The following TMEM245 variants were observed in gnomAD, a reference collection of about 807,000 sequenced individuals.
TMEM245 encodes protein CG-2.
Under a neutral mutation model 101.2 loss-of-function variants are expected in TMEM245, and 69 were observed. The observed-to-expected ratio is 0.68, with a 90% CI of 0.56 to 0.83. TMEM245 has a LOEUF of 0.83. TMEM245 is among the 40% of genes least tolerant of loss of function. The probability of loss-of-function intolerance (pLI) is 0.00; values close to 1 mark genes in which losing one functional copy is unlikely to be tolerated. For missense variants in TMEM245, 1,075 were observed against 1,092.8 expected (o/e 0.98, Z 0.23); for synonymous variants, 537 against 449.8 (o/e 1.19, Z -2.45).
chr9:109,115,522 C>CT (rs752894720), intron 1 of TMEM245, among the ~76,000 whole-genome samples: 3,331 of 67,186 alleles, frequency 0.05, 388 homozygotes, highest in African/African-American at 0.081. Flanking sequence ...TAACTGGAAT[C>CT]TTTTTTTTTT....
intron 4 of TMEM245, among the ~76,000 whole-genome samples, 157 bp downstream of exon 4, chr9:109,093,318 A>G (rs1163595444): frequency 2.0e-5 from 3 of 152,208 alleles, no homozygotes; most frequent in African/African-American, 7.2e-5. Flanking sequence ...GAGAACAAAG[A>G]TGAGAGGGAA....
Position 109,119,933 on chromosome 9 carries a change from C to G in TMEM245, c.-20G>C. ...GGCCATCGTTCCTCCGCCACAGCCG[C>G]CCCCGAGGGGCGGTAATGGGAGTCG... On this transcript the variant is annotated 5_prime_UTR_variant, in exon 1 of 18. Transcript: ENST00000374586. 7.7e-7 allele frequency: 1 copy of G among 1,291,262 alleles called. No homozygotes were observed. The highest frequency in any genetic ancestry group is 9.8e-7 in the Non-Finnish European group (1 of 1,023,540). 80.0% of individuals were successfully genotyped at this position (1,291,262 alleles called of 1,614,324 possible). A position where few individuals can be genotyped will look rare whatever the true frequency, so the allele number is the denominator to read the frequency against.
chr9:109,076,395 G>A (rs1399062648), intron 8 of TMEM245, among the ~76,000 whole-genome samples: 1 of 140,650 alleles, frequency 7.1e-6, no homozygotes, highest in African/African-American at 2.6e-5. Flanking sequence ...TGGGGGGGAG[G>A]GGGGAGGGAT....
chr9:109,092,980 A>G (rs966284922), intron 4 of TMEM245, among the ~76,000 whole-genome samples: 6 of 152,190 alleles, frequency 3.9e-5, no homozygotes, highest in African/African-American at 1.4e-4. Context: ...GATGGAAAAT[A>G]AAAGTCTTCC....
intron 11 of TMEM245, among the ~76,000 whole-genome samples, chr9:109,058,176 T>C (rs992433423): frequency 2.6e-5 from 4 of 151,684 alleles, no homozygotes; most frequent in Non-Finnish European, 5.9e-5. Flanking sequence ...AATTTTTTTT[T>C]TGTATTTTTA....
At chr9:109,081,215 T>C (rs2132522923) in intron 7 of TMEM245, among the ~76,000 whole-genome samples, 1 of 152,314 alleles carries the variant, frequency 6.6e-6, no homozygotes, top group Admixed American at 6.5e-5. Flanking sequence ...AACTATAGGA[T>C]ATCTATGTTT....
rs138051208 is a variant in TMEM245, at chr9:109,090,774, G to A, written c.1150+148C>T. 3.3e-3 allele frequency: 2,263 copies of A among 678,904 alleles called. 7 individuals are homozygous for A. Among genetic ancestry groups the A allele is most frequent in the Non-Finnish European group, 4.1e-3 (1,705 of 415,332 alleles). The allele number at this position is 678,904 out of a possible 1,614,324, so 42.1% of individuals were successfully genotyped here. On this transcript the variant is annotated intron_variant, in intron 5 of 17. Coordinates refer to ENST00000374586, the MANE Select transcript of TMEM245 (RefSeq NM_032012.4). ...TATCAAAGTAATAAATTAACCAAAT[G>A]GTGTTTGTTTACTATTTAAATGCAA...
chr9:109,066,536 C>G (rs1167999844), intron 9 of TMEM245, among the ~76,000 whole-genome samples: 1 of 142,648 alleles, frequency 7.0e-6, no homozygotes, highest in African/African-American at 2.7e-5. Context: ...TAATAATTTA[C>G]AGTATAAGCA....
chr9:109,034,914 T>C (rs1311511450), intron 16 of TMEM245, among the ~76,000 whole-genome samples: 1 of 152,098 alleles, frequency 6.6e-6, no homozygotes. Context: ...CCCAGCAGTT[T>C]GGGAGGCCAA....
chr9:109,104,503 C>A (rs1014968559), intron 3 of TMEM245, among the ~76,000 whole-genome samples: 1 of 152,088 alleles, frequency 6.6e-6, no homozygotes, highest in Non-Finnish European at 1.5e-5. Flanking sequence ...TGAATGCAAT[C>A]CCTATCAAAA....
intron 3 of TMEM245, among the ~76,000 whole-genome samples, chr9:109,097,357 G>A (rs1489366208): frequency 2.0e-5 from 3 of 152,198 alleles, no homozygotes; most frequent in African/African-American, 4.8e-5. Flanking sequence ...TAGTGTGAAT[G>A]AGAAGAGCAG....
At chr9:109,111,438 G>A (rs1254829891) in intron 1 of TMEM245, among the ~76,000 whole-genome samples, 1 of 152,016 alleles carries the variant, frequency 6.6e-6, no homozygotes, top group African/African-American at 2.4e-5. Context: ...TCATTTGCAA[G>A]GAGAGAAAAA....
At chr9:109,093,352 A>G (rs1189384780) in intron 4 of TMEM245, 123 bp downstream of exon 4, 1 of 779,342 alleles carries the variant, frequency 1.3e-6, no homozygotes, top group African/African-American at 1.7e-5. Context: ...TAGGAACCAA[A>G]GAGAATAAAT....
At chr9:109,085,165 G>A (rs896455306) in intron 7 of TMEM245, among the ~76,000 whole-genome samples, 1 of 152,124 alleles carries the variant, frequency 6.6e-6, no homozygotes, top group Admixed American at 6.5e-5. Context: ...GAGTGCAATG[G>A]TGCAATTATT....
chr9:109,091,138 C>A lies in TMEM245; in HGVS notation c.934G>T (p.Glu312Ter). The change falls in exon 5 of 18, where the codon GAA (glutamate) becomes TAA (stop). Residue 312 changes from glutamate (E) to a stop codon, truncating the protein, a stop_gained. Transcript: ENST00000374586. LOFTEE classifies it high-confidence loss of function. ...TQPAEAVDRG[E>*]SAPTLSTSPS... ...GAGGTGGACAACGTTGGAGCGGATT[C>A]TCCCCTGTCCACTGCTTCTGAAAAG... The A allele has an allele frequency of 1.2e-6, 2 of 1,613,780 alleles. No homozygotes were observed. The highest frequency in any genetic ancestry group is 1.7e-6 in the Non-Finnish European group (2 of 1,179,854).
At chr9:109,073,483 A>G (rs768074113) in intron 8 of TMEM245, 45 bp from the exon 9 acceptor site, 1 of 1,395,234 alleles carries the variant, frequency 7.2e-7, no homozygotes, top group Non-Finnish European at 1.0e-6. Flanking sequence ...TAAAAAATAA[A>G]CCCAATTTAA....
At chr9:109,083,929 A>AAAAAAAAAAC (rs1298306808) in intron 7 of TMEM245, among the ~76,000 whole-genome samples, 2 of 140,210 alleles carry the variant, frequency 1.4e-5, no homozygotes, top group African/African-American at 2.6e-5. Flanking sequence ...AAAAAAAAAA[A>AAAAAAAAAAC]CACCAGGCAT....
rs1564177409 is a variant in TMEM245 at position 109,046,128 on chromosome 9, T to C, written c.2123+4155A>G. ...CTTTCCAAATGAGAATCGCATGGCA[T>C]ACACACTGTCTTATCTAATTCATCA... On this transcript the variant is annotated intron_variant, in intron 14 of 17. Coordinates refer to ENST00000374586, the MANE Select transcript of TMEM245 (RefSeq NM_032012.4). 10 of 415,872 alleles carry C rather than the reference T, an allele frequency of 2.4e-5. No homozygotes were observed. In the East Asian group the frequency reaches 5.6e-4, roughly 23 times the overall value. The allele number at this position is 415,872 out of a possible 1,614,324, so 25.8% of individuals were successfully genotyped here. A position where few individuals can be genotyped will look rare whatever the true frequency, so the allele number is the denominator to read the frequency against.
rs755443750 is a variant in TMEM245 at position 109,091,125 on chromosome 9, G to A, written c.947C>T (p.Thr316Met). The A allele has an allele frequency of 1.7e-5, 27 of 1,614,078 alleles. No individual in the cohort carries two copies. The highest frequency in any genetic ancestry group is 5.0e-5 in the Admixed American group (3 of 60,020). ...GGAGGGTGAAGGGGAGGTGGACAACGTTGGAGCGGATTCTCCCCTGTCCAC... is the reference window on the plus strand; with the variant it reads ...GGAGGGTGAAGGGGAGGTGGACAACATTGGAGCGGATTCTCCCCTGTCCAC... ...EAVDRGESAP[T>M]LSTSPSPSSP... is the part of the protein sequence containing the mutation. The change falls in exon 5 of 18, where the codon ACG becomes ATG. Residue 316 changes from threonine (T) to methionine (M), a missense_variant. Transcript: ENST00000374586.
Sources: gnomAD v4.1 joint callset for allele counts (sites outside exome capture counted in the v4.1 genomes callset) on GRCh38, gnomAD v4.1.1 for gene constraint, MANE v1.5 for transcripts, NCBI Gene and HGNC (gene_info 2026-07-23, HGNC 2026-07-21) for gene names.